The following NR6A1 variants were observed in gnomAD, a reference collection of about 807,000 sequenced individuals.
NR6A1 encodes nuclear receptor subfamily 6 group A member 1.
In NR6A1, 7 loss-of-function variants were observed where a neutral mutation model predicts 59.1. That is an observed-to-expected ratio of 0.12 (90% CI 0.07 to 0.22). NR6A1 has a LOEUF of 0.22. Ranked by LOEUF, NR6A1 falls within the 10% of genes least tolerant of loss-of-function variation. NR6A1 has a pLI of 1.00. For synonymous variants in NR6A1, 243 were observed against 236.1 expected (o/e 1.03, Z -0.27); for missense variants, 468 against 611.6 (o/e 0.77, Z 2.48).
intron 2 of NR6A1, among the ~76,000 whole-genome samples, chr9:124,720,746 C>T (rs974733320): frequency 6.6e-6 from 1 of 152,068 alleles, no homozygotes; most frequent in African/African-American, 2.4e-5. Flanking sequence ...GTTATTATAG[C>T]CTCAGCATGC....
intron 7 of NR6A1, among the ~76,000 whole-genome samples, chr9:124,534,944 G>A (rs1043263899): frequency 6.6e-6 from 1 of 152,044 alleles, no homozygotes; most frequent in Non-Finnish European, 1.5e-5. Context: ...CTAACACGGT[G>A]AAACCCCATC....
At chr9:124,763,305 T>C (rs374190624) in intron 1 of NR6A1, among the ~76,000 whole-genome samples, 3 of 152,258 alleles carry the variant, frequency 2.0e-5, no homozygotes, top group East Asian at 1.9e-4. Flanking sequence ...TGACTACTAA[T>C]ACAGTTTGTG....
chr9:124,646,478 T>C (rs1269051638), intron 2 of NR6A1, among the ~76,000 whole-genome samples: 3 of 152,202 alleles, frequency 2.0e-5, no homozygotes, highest in African/African-American at 7.2e-5. Flanking sequence ...GACCTCACTA[T>C]GGATCCTATA....
intron 1 of NR6A1, among the ~76,000 whole-genome samples, chr9:124,743,419 A>G (rs1208681627): frequency 6.6e-6 from 1 of 152,232 alleles, no homozygotes; most frequent in Admixed American, 6.5e-5. Flanking sequence ...CACATTTTTA[A>G]AAGTGCAACA....
chr9:124,739,719 T>C (rs1840121739), intron 1 of NR6A1, among the ~76,000 whole-genome samples: 1 of 152,276 alleles, frequency 6.6e-6, no homozygotes, highest in South Asian at 2.1e-4. Flanking sequence ...TCCTTTTTGA[T>C]ATTTTGACTA....
intron 2 of NR6A1, among the ~76,000 whole-genome samples, chr9:124,638,753 A>T (rs1836689674): frequency 6.6e-6 from 1 of 152,238 alleles, no homozygotes; most frequent in Admixed American, 6.5e-5. Context: ...AATGACTACA[A>T]CATGATAGGC....
At chr9:124,679,602 GA>G (rs561981721) in intron 2 of NR6A1, among the ~76,000 whole-genome samples, 1 of 151,936 alleles carries the variant, frequency 6.6e-6, no homozygotes, top group Non-Finnish European at 1.5e-5. Context: ...TTAAGAGTTT[GA>G]AAAAAGGCTG....
chr9:124,768,379 G>A (rs1840998752), intron 1 of NR6A1, among the ~76,000 whole-genome samples: 1 of 152,156 alleles, frequency 6.6e-6, no homozygotes, highest in African/African-American at 2.4e-5. Flanking sequence ...GAAAAAATGT[G>A]CCCATTGTTC....
At chr9:124,714,788 CAAAAT>C (rs1839367776) in intron 2 of NR6A1, among the ~76,000 whole-genome samples, 1 of 151,730 alleles carries the variant, frequency 6.6e-6, no homozygotes, top group Admixed American at 6.6e-5. Flanking sequence ...CATTAAAAAA[CAAAAT>C]ACTTAAGGAT....
Position 124,603,144 on chromosome 9 carries a change from A to T in NR6A1, c.143-48574T>A, listed in dbSNP as rs541005386. Among the ~76,000 whole-genome samples the T allele has an allele frequency of 5.3e-5, 8 of 152,068 alleles. No homozygotes were observed. The South Asian group carries it at 1.7e-3, about 32-fold the overall frequency. ...GATCCCTAAAATATACTACGACATT[A>T]CTCATCACGTAGTATTTTTATTTTA... On this transcript the variant is annotated intron_variant, in intron 2 of 9. Coordinates refer to ENST00000487099, the MANE Select transcript of NR6A1 (RefSeq NM_033334.4).
chr9:124,531,434 A>G (rs1833094446), intron 7 of NR6A1, among the ~76,000 whole-genome samples: 3 of 152,252 alleles, frequency 2.0e-5, no homozygotes. Context: ...AAGCCTTTCC[A>G]TGACAGCAGG....
At chr9:124,579,531 C>T (rs1374374445) in intron 2 of NR6A1, among the ~76,000 whole-genome samples, 1 of 151,700 alleles carries the variant, frequency 6.6e-6, no homozygotes, top group Non-Finnish European at 1.5e-5. Flanking sequence ...CACTCCAGCC[C>T]TGGTGAGACC....
intron 9 of NR6A1, among the ~76,000 whole-genome samples, chr9:124,523,960 G>A (rs1047995518): frequency 6.6e-6 from 1 of 151,988 alleles, no homozygotes; most frequent in Non-Finnish European, 1.5e-5. Flanking sequence ...ATGAAGCAAG[G>A]CAACAACCAA....
At chr9:124,534,012 T>C (rs1051412775) in intron 7 of NR6A1, among the ~76,000 whole-genome samples, 11 of 152,016 alleles carry the variant, frequency 7.2e-5, no homozygotes, top group African/African-American at 2.7e-4. Context: ...GTATTTTGAA[T>C]TGGCCAATAA....
intron 2 of NR6A1, among the ~76,000 whole-genome samples, chr9:124,583,333 T>C (rs183899054): frequency 1.8e-4 from 27 of 152,312 alleles, no homozygotes; most frequent in Admixed American, 3.3e-4. Flanking sequence ...TTACAACCAC[T>C]TAACCGAGGC....
intron 2 of NR6A1, among the ~76,000 whole-genome samples, chr9:124,634,649 G>A (rs527935672): frequency 3.9e-5 from 6 of 152,206 alleles, no homozygotes; most frequent in East Asian, 3.9e-4. Flanking sequence ...GTGAAACCCC[G>A]TCTCTACTAA....
At chr9:124,743,075 T>A (rs1287552087) in intron 1 of NR6A1, among the ~76,000 whole-genome samples, 1 of 152,174 alleles carries the variant, frequency 6.6e-6, no homozygotes, top group Non-Finnish European at 1.5e-5. Flanking sequence ...GCAGCTTTAT[T>A]TTGGTGGTGG....
At chr9:124,584,504 C>G (rs1229394544) in intron 2 of NR6A1, among the ~76,000 whole-genome samples, 1 of 152,096 alleles carries the variant, frequency 6.6e-6, no homozygotes, top group Non-Finnish European at 1.5e-5. Flanking sequence ...CACTTTGTGT[C>G]TCTGTGTCAC....
In NR6A1 at chr9:124,771,206, G is replaced by T. The variant is rs1010015973; in HGVS notation, c.-87C>A. 1.7e-5 allele frequency: 13 copies of T among 751,690 alleles called. No homozygotes were observed. The highest frequency in any genetic ancestry group is 2.0e-5 in the Non-Finnish European group (11 of 549,144). The allele number at this position is 751,690 out of a possible 1,614,324, so 46.6% of individuals were successfully genotyped here. A position where few individuals can be genotyped will look rare whatever the true frequency, so the allele number is the denominator to read the frequency against. ...CGTGGTCGTCGTCCGCCGAGGGGAG[G>T]AGGTTGTCAGGAGCCCGCGAGCTCC... On this transcript the variant is annotated 5_prime_UTR_variant, in exon 1 of 10. Transcript: ENST00000487099.
Sources: gnomAD v4.1 joint callset for allele counts (sites outside exome capture counted in the v4.1 genomes callset) on GRCh38, gnomAD v4.1.1 for gene constraint, MANE v1.5 for transcripts, NCBI Gene and HGNC (gene_info 2026-07-23, HGNC 2026-07-21) for gene names.